Variants in TRPM6 observed in about 807,000 individuals in gnomAD.
TRPM6 encodes channel kinase 2.
Under a neutral mutation model 247.6 loss-of-function variants are expected in TRPM6, and 111 were observed. That is an observed-to-expected ratio of 0.45 (90% confidence interval 0.38 to 0.52). The LOEUF is 0.52. Among genes scored for constraint, TRPM6 ranks in the 20% least tolerant of loss-of-function variants. The pLI is 0.00. For synonymous variants in TRPM6, 892 were observed against 853.8 expected (o/e 1.04, Z -0.78); for missense variants, 2,126 against 2,421.5 (o/e 0.88, Z 2.56).
intron 24 of TRPM6, among the ~76,000 whole-genome samples, chr9:74,772,819 C>G (rs556328335): frequency 6.6e-6 from 1 of 152,238 alleles, no homozygotes; most frequent in African/African-American, 2.4e-5. Flanking sequence ...ACCAGCCTGG[C>G]CAACATGGTG....
chr9:74,832,323 CAA>C (rs1829575148), intron 6 of TRPM6, among the ~76,000 whole-genome samples: 1 of 151,910 alleles, frequency 6.6e-6, no homozygotes. Context: ...AAAAGCAAGT[CAA>C]GAGATATAAC....
intron 13 of TRPM6, among the ~76,000 whole-genome samples, chr9:74,809,765 G>C (rs1358147788): frequency 1.3e-5 from 2 of 151,940 alleles, no homozygotes; most frequent in South Asian, 4.2e-4. Context: ...GATCACCTGC[G>C]GTCAGGAGTT....
At chr9:74,741,943 T>G (rs992289431) in intron 33 of TRPM6, among the ~76,000 whole-genome samples, 3 of 152,044 alleles carry the variant, frequency 2.0e-5, no homozygotes, top group African/African-American at 7.2e-5. Context: ...GAAGCCAACC[T>G]GGTCTGCCCC....
rs1297681339 is a variant in TRPM6, at chr9:74,786,035, G to C, written c.2758C>G (p.Leu920Val). 6.2e-7 allele frequency: 1 copy of C among 1,614,052 alleles called. No individual in the cohort carries two copies. Among genetic ancestry groups the C allele is most frequent in the East Asian group, 2.2e-5 (1 of 44,888 alleles). ...CGAAGGACGAAGCCAGCTGAAAACAGGCCAATGGCCACAGTTTCTGTTAAG... is the reference window on the plus strand; with the variant it reads ...CGAAGGACGAAGCCAGCTGAAAACACGCCAATGGCCACAGTTTCTGTTAAG... ...WNLTETVAIGLFSAGFVLRWG... is the reference protein window; with the variant it reads ...WNLTETVAIGVFSAGFVLRWG... Residue 920 changes from leucine to valine, a missense_variant, in exon 21 of 39, where the codon CTG (leucine) becomes GTG (valine). Leu to Val is a conservative substitution (Grantham distance 32, BLOSUM62 1). This residue lies in a region of TRPM6 where 1,082 missense variants were observed against 1,307.9 expected (regional missense o/e 0.83). Coordinates refer to ENST00000360774, the MANE Select transcript of TRPM6 (RefSeq NM_017662.5).
chr9:74,780,041 A>G (rs1166361903), intron 23 of TRPM6, among the ~76,000 whole-genome samples: 6 of 151,844 alleles, frequency 4.0e-5, no homozygotes, highest in Admixed American at 6.6e-5. Flanking sequence ...GTGTGGTGGC[A>G]TGCACCTGTA....
intron 33 of TRPM6, 101 bp downstream of exon 33, chr9:74,742,460 A>C (rs977772069): frequency 7.4e-6 from 9 of 1,209,068 alleles, no homozygotes; most frequent in Non-Finnish European, 1.1e-5. Flanking sequence ...TCAACAAAAC[A>C]AAATTTTCAA....
At chr9:74,804,715 CT>C in intron 14 of TRPM6, 1 of 833,274 alleles carries the variant, frequency 1.2e-6, no homozygotes, top group South Asian at 1.3e-5. Flanking sequence ...GAAGACCGGT[CT>C]GCAGCTCCCA....
At chr9:74,852,465 C>A (rs1830360590) in intron 3 of TRPM6, among the ~76,000 whole-genome samples, 1 of 150,388 alleles carries the variant, frequency 6.6e-6, no homozygotes, top group Non-Finnish European at 1.5e-5. Context: ...CTCTCCCTCT[C>A]CCTCTCCCTC....
chr9:74,860,136 G>A (rs901490548), intron 1 of TRPM6, among the ~76,000 whole-genome samples: 59 of 152,132 alleles, frequency 3.9e-4, no homozygotes, highest in African/African-American at 1.4e-3. Flanking sequence ...TAGTTGATGG[G>A]TTCCTGTGTA....
intron 1 of TRPM6, among the ~76,000 whole-genome samples, chr9:74,877,048 G>A (rs1276215019): frequency 6.6e-6 from 1 of 152,136 alleles, no homozygotes; most frequent in East Asian, 1.9e-4. Flanking sequence ...TACCCGCTAG[G>A]ATGGCTATAA....
chr9:74,849,891 T>C (rs1270494408), intron 3 of TRPM6, among the ~76,000 whole-genome samples: 1 of 152,250 alleles, frequency 6.6e-6, no homozygotes, highest in Non-Finnish European at 1.5e-5. Context: ...ATGCCTTCCA[T>C]TTCCTTTCAT....
intron 36 of TRPM6, chr9:74,737,518 C>A: frequency 3.5e-6 from 3 of 861,404 alleles, no homozygotes; most frequent in Non-Finnish European, 5.0e-6. Context: ...TGGTTATACC[C>A]TCTACATATG....
At chr9:74,744,833 C>T (rs867036204) in intron 31 of TRPM6, among the ~76,000 whole-genome samples, 2 of 152,280 alleles carry the variant, frequency 1.3e-5, no homozygotes, top group Middle Eastern at 3.4e-3. Flanking sequence ...CTGTTTTATA[C>T]CTCGCAGAGT....
chr9:74,735,294 A>G (rs1299668765), intron 36 of TRPM6, among the ~76,000 whole-genome samples: 4 of 152,066 alleles, frequency 2.6e-5, no homozygotes, highest in African/African-American at 9.7e-5. Flanking sequence ...AAAGAAGAGG[A>G]GAAAAGAGCA....
chr9:74,868,778 AG>A (rs1034853909), intron 1 of TRPM6, among the ~76,000 whole-genome samples: 2 of 152,206 alleles, frequency 1.3e-5, no homozygotes, highest in African/African-American at 4.8e-5. Flanking sequence ...TTCAGCCTAG[AG>A]GAAAATTTAG....
intron 25 of TRPM6, among the ~76,000 whole-genome samples, chr9:74,771,158 G>C (rs187489131): frequency 6.6e-6 from 1 of 152,252 alleles, no homozygotes; most frequent in East Asian, 1.9e-4. Context: ...AGACGCCCCT[G>C]CCTCGCCCAC....
chr9:74,836,513 C>A (rs1829725392), intron 5 of TRPM6, among the ~76,000 whole-genome samples: 1 of 152,276 alleles, frequency 6.6e-6, no homozygotes, highest in Non-Finnish European at 1.5e-5. Context: ...GCCATCCACC[C>A]CAGTAGAGAT....
chr9:74,877,105 A>T (rs1831216590), intron 1 of TRPM6, among the ~76,000 whole-genome samples: 1 of 152,224 alleles, frequency 6.6e-6, no homozygotes, highest in Non-Finnish European at 1.5e-5. Flanking sequence ...TGGAATTATC[A>T]TGGATTGCTG....
At chr9:74,791,103 A>T (rs1015104669) in intron 19 of TRPM6, among the ~76,000 whole-genome samples, 5 of 152,236 alleles carry the variant, frequency 3.3e-5, no homozygotes, top group Non-Finnish European at 7.3e-5. Flanking sequence ...GAAATTTCCA[A>T]GGGAAGAAAT....
Sources: allele counts gnomAD v4.1 joint callset (sites outside exome capture counted in the v4.1 genomes callset), GRCh38; gene constraint gnomAD v4.1.1; regional missense constraint gnomAD v4.1.1; transcripts MANE v1.5; gene names NCBI Gene and HGNC (gene_info 2026-07-23, HGNC 2026-07-21).